The following CADPS variants were observed in gnomAD, a reference collection of about 807,000 sequenced individuals.
The protein encoded by CADPS is calcium-dependent secretion activator 1.
Under a neutral mutation model 167.3 loss-of-function variants are expected in CADPS, and 57 were observed. The ratio of observed to expected loss-of-function variants is 0.34; its 90% confidence interval spans 0.28 to 0.42. CADPS has a LOEUF of 0.42. Ranked by LOEUF, CADPS falls within the 20% of genes least tolerant of loss-of-function variation. CADPS has a pLI of 1.00. For synonymous variants in CADPS, 676 were observed against 635.3 expected, an observed-to-expected ratio of 1.06 and a Z score of -0.96; for missense variants, 1,414 against 1,738.1, an observed-to-expected ratio of 0.81 and a Z score of 3.32.
chr3:62,736,905 G>T (rs2152246647), intron 3 of CADPS, among the ~76,000 whole-genome samples: 1 of 152,312 alleles, frequency 6.6e-6, no homozygotes, highest in African/African-American at 2.4e-5. Context: ...TTGGGAGGCT[G>T]AGGCAGGTTA....
At chr3:62,593,173 G>A (rs566169848) in intron 6 of CADPS, among the ~76,000 whole-genome samples, 1 of 152,332 alleles carries the variant, frequency 6.6e-6, no homozygotes, top group East Asian at 1.9e-4. Flanking sequence ...ACTTTCAAAT[G>A]AGACTTCAAC....
intron 24 of CADPS, 156 bp from the exon 25 acceptor site, chr3:62,466,569 G>T (rs1424191052): frequency 1.5e-6 from 1 of 683,684 alleles, no homozygotes; most frequent in Non-Finnish European, 2.7e-6. Context: ...CCTGACTCCA[G>T]TTCTTTGATA....
At chr3:62,669,961 T>A (rs1024163838) in intron 3 of CADPS, among the ~76,000 whole-genome samples, 8 of 152,130 alleles carry the variant, frequency 5.3e-5, no homozygotes, top group Non-Finnish European at 1.0e-4. Context: ...TTTAAAAGGT[T>A]AAGTAGTTTG....
chr3:62,553,332 AT>A (rs2077606506), intron 10 of CADPS, among the ~76,000 whole-genome samples: 1 of 152,204 alleles, frequency 6.6e-6, no homozygotes, highest in Non-Finnish European at 1.5e-5. Context: ...AAGTTTTTAT[AT>A]TTTTAATCAA....
chr3:62,629,147 T>C (rs766870267), intron 6 of CADPS, among the ~76,000 whole-genome samples: 5 of 152,296 alleles, frequency 3.3e-5, no homozygotes, highest in Middle Eastern at 3.4e-3. Context: ...TTACATATCA[T>C]AAAATTCATG....
At chr3:62,616,857 T>C (rs1162859629) in intron 6 of CADPS, among the ~76,000 whole-genome samples, 1 of 152,188 alleles carries the variant, frequency 6.6e-6, no homozygotes, top group African/African-American at 2.4e-5. Context: ...ATGCCCCAAA[T>C]GTTAAAAGTT....
At chr3:62,852,706 C>T (rs1472418251) in intron 1 of CADPS, among the ~76,000 whole-genome samples, 2 of 152,280 alleles carry the variant, frequency 1.3e-5, no homozygotes, top group East Asian at 1.9e-4. Flanking sequence ...ATAATTTCCA[C>T]TTCTGAAAAT....
intron 1 of CADPS, among the ~76,000 whole-genome samples, chr3:62,781,968 T>C (rs1028292031): frequency 6.6e-6 from 1 of 152,214 alleles, no homozygotes; most frequent in Non-Finnish European, 1.5e-5. Flanking sequence ...AAGAAGCTTC[T>C]ATGAAAAGCT....
At chr3:62,571,919 T>C (rs2081361111) in intron 8 of CADPS, among the ~76,000 whole-genome samples, 1 of 152,156 alleles carries the variant, frequency 6.6e-6, no homozygotes, top group African/African-American at 2.4e-5. Context: ...TGTGGATTGT[T>C]ACATATTGAA....
chr3:62,710,892 A>G (rs17357323), intron 3 of CADPS, among the ~76,000 whole-genome samples: 8,456 of 152,212 alleles, frequency 0.056, 278 homozygotes, highest in Middle Eastern at 0.078. Context: ...CGTGCTTATC[A>G]TTTCTTTTAA....
chr3:62,841,066 C>T (rs2076582421), intron 1 of CADPS, among the ~76,000 whole-genome samples: 1 of 152,166 alleles, frequency 6.6e-6, no homozygotes, highest in African/African-American at 2.4e-5. Context: ...CTCCATTCCC[C>T]ATTTCCAGGC....
chr3:62,437,620 G>T (rs2055402575), intron 28 of CADPS, among the ~76,000 whole-genome samples: 1 of 151,564 alleles, frequency 6.6e-6, no homozygotes, highest in Non-Finnish European at 1.5e-5. Context: ...AGGATTTCCA[G>T]TCTTCCAGGA....
chr3:62,538,021 T>C (rs770336565), intron 11 of CADPS, among the ~76,000 whole-genome samples: 1 of 152,164 alleles, frequency 6.6e-6, no homozygotes, highest in African/African-American at 2.4e-5. Flanking sequence ...AGTTGAAGAA[T>C]GTGTATTTTA....
At chr3:62,728,044 A>G (rs2152084810) in intron 3 of CADPS, among the ~76,000 whole-genome samples, 1 of 151,974 alleles carries the variant, frequency 6.6e-6, no homozygotes, top group African/African-American at 2.4e-5. Context: ...AGGCCAATAG[A>G]GCATATGGTA....
intron 1 of CADPS, among the ~76,000 whole-genome samples, chr3:62,801,405 C>A (rs2093754988): frequency 1.3e-5 from 2 of 152,078 alleles, no homozygotes; most frequent in Non-Finnish European, 2.9e-5. Context: ...AAGATATCAT[C>A]TCCTATGTTT....
At chr3:62,403,269 C>T (rs937549674) in intron 28 of CADPS, 84 bp from the exon 29 acceptor site, 10 of 866,464 alleles carry the variant, frequency 1.2e-5, no homozygotes, top group Middle Eastern at 2.2e-4. Flanking sequence ...GTTTGAGTAC[C>T]CCACTCTGTT....
At chr3:62,605,440 G>A (rs2060568956) in intron 6 of CADPS, among the ~76,000 whole-genome samples, 1 of 152,178 alleles carries the variant, frequency 6.6e-6, no homozygotes, top group Non-Finnish European at 1.5e-5. Context: ...AGCCTCTCAG[G>A]TTTCAGTCTT....
At chr3:62,604,746 C>A (rs953089235) in intron 6 of CADPS, among the ~76,000 whole-genome samples, 6 of 152,232 alleles carry the variant, frequency 3.9e-5, no homozygotes, top group Non-Finnish European at 8.8e-5. Flanking sequence ...TTGGCTCTGT[C>A]TTCCCAGTCT....
At chr3:62,614,863 C>T (rs757414877) in intron 6 of CADPS, among the ~76,000 whole-genome samples, 1 of 152,182 alleles carries the variant, frequency 6.6e-6, no homozygotes, top group African/African-American at 2.4e-5. Flanking sequence ...AGTACCCTCA[C>T]CCTTCTCAGC....
Sources: allele counts gnomAD v4.1 joint callset (sites outside exome capture counted in the v4.1 genomes callset), GRCh38; gene constraint gnomAD v4.1.1; transcripts MANE v1.5; gene names NCBI Gene and HGNC (gene_info 2026-07-23, HGNC 2026-07-21).